PRLR: variants seen among roughly 807,000 people sequenced by gnomAD.
PRLR encodes the protein prolactin receptor, also known as hPRL receptor.
Under a neutral mutation model 40.2 loss-of-function variants are expected in PRLR, and 13 were observed. The ratio of observed to expected loss-of-function variants is 0.32; its 90% confidence interval spans 0.21 to 0.51. The LOEUF (loss-of-function observed/expected upper bound fraction) is 0.51. Ranked by LOEUF, PRLR falls within the 20% of genes least tolerant of loss-of-function variation. The pLI is 0.97. For synonymous variants in PRLR, 269 were observed against 278.7 expected (o/e 0.97, Z 0.35); for missense variants, 656 against 747.3 (o/e 0.88, Z 1.42).
At chr5:35,068,929 A>G in intron 7 of PRLR, 51 bp from the exon 8 acceptor site, 1 of 1,363,312 alleles carries the variant, frequency 7.3e-7, no homozygotes, top group Non-Finnish European at 1.0e-6. Flanking sequence ...ATCATTAAAA[A>G]CAAACCAACC....
intron 1 of PRLR, among the ~76,000 whole-genome samples, chr5:35,186,271 A>ATT (rs537396893): frequency 6.6e-6 from 1 of 151,904 alleles, no homozygotes; most frequent in African/African-American, 2.4e-5. Flanking sequence ...CTTTAAAAAA[A>ATT]TTTTTTTTTG....
chr5:35,099,650 A>G (rs1561296367), intron 2 of PRLR, among the ~76,000 whole-genome samples: 1 of 152,178 alleles, frequency 6.6e-6, no homozygotes, highest in Non-Finnish European at 1.5e-5. Context: ...TCCTTGAGGA[A>G]CTTCAAGTGG....
intron 1 of PRLR, among the ~76,000 whole-genome samples, chr5:35,141,368 A>G (rs927616076): frequency 1.3e-5 from 2 of 152,188 alleles, no homozygotes; most frequent in African/African-American, 2.4e-5. Context: ...GCATGAATCT[A>G]TGGGGGTCAT....
chr5:35,153,438 A>ATT (rs1273685966), intron 1 of PRLR, among the ~76,000 whole-genome samples: 1 of 152,122 alleles, frequency 6.6e-6, no homozygotes, highest in African/African-American at 2.4e-5. Context: ...TGGGCCAGAG[A>ATT]TTTAGACCCT....
intron 1 of PRLR, among the ~76,000 whole-genome samples, chr5:35,152,137 C>T (rs1027195353): frequency 2.6e-5 from 4 of 152,044 alleles, no homozygotes; most frequent in Non-Finnish European, 4.4e-5. Context: ...AGGTATAATC[C>T]GCGTGATCCA....
At position 35,156,127 on chromosome 5, in the gene PRLR, T is replaced by TAAAA. The variant is rs765998296; in HGVS notation, c.-105-38009_-105-38006dup. Reference sequence around the variant, plus strand: ...TCTCCATCTCTCCAGTTGCTCAAGATAAAAAAAAAAAACAAAAAAAAAAAC... The same window carrying TAAAA: ...TCTCCATCTCTCCAGTTGCTCAAGATAAAAAAAAAAAAAAAACAAAAAAAAAAAC... On this transcript the variant is annotated intron_variant, in intron 1 of 9. Coordinates refer to ENST00000618457, the MANE Select transcript of PRLR (RefSeq NM_000949.7). Among the ~76,000 whole-genome samples the TAAAA allele has an allele frequency of 4.6e-4, 48 of 103,794 alleles. 1 individual carries two copies. Among genetic ancestry groups the TAAAA allele is most frequent in the African/African-American group, 1.7e-3 (45 of 27,056 alleles). 68.1% of individuals were successfully genotyped at this position (103,794 alleles called of 152,430 possible).
chr5:35,109,851 G>A (rs1772534447), intron 2 of PRLR, among the ~76,000 whole-genome samples: 1 of 152,162 alleles, frequency 6.6e-6, no homozygotes, highest in African/African-American at 2.4e-5. Flanking sequence ...GTTTGACCCA[G>A]CCATCCCATT....
At chr5:35,206,367 C>A (rs960327865) in intron 1 of PRLR, among the ~76,000 whole-genome samples, 5 of 152,016 alleles carry the variant, frequency 3.3e-5, no homozygotes, top group Middle Eastern at 3.4e-3. Flanking sequence ...TATAAAAAGA[C>A]AATAGTTATG....
At chr5:35,180,096 C>A (rs1266179619) in intron 1 of PRLR, among the ~76,000 whole-genome samples, 1 of 152,176 alleles carries the variant, frequency 6.6e-6, no homozygotes. Context: ...AGTGTGCAAC[C>A]TAGATCCCTC....
chr5:35,133,490 T>C (rs1773752671), intron 1 of PRLR, among the ~76,000 whole-genome samples: 1 of 152,178 alleles, frequency 6.6e-6, no homozygotes, highest in African/African-American at 2.4e-5. Flanking sequence ...GGAGATGCCA[T>C]AGACTTTCTT....
intron 2 of PRLR, among the ~76,000 whole-genome samples, chr5:35,108,029 A>G (rs1772386830): frequency 6.6e-6 from 1 of 152,184 alleles, no homozygotes; most frequent in Non-Finnish European, 1.5e-5. Flanking sequence ...ATCCACCACA[A>G]TCAAGTTGGC....
At chr5:35,217,276 G>T (rs780650848) in intron 1 of PRLR, among the ~76,000 whole-genome samples, 2 of 152,166 alleles carry the variant, frequency 1.3e-5, no homozygotes, top group Non-Finnish European at 2.9e-5. Flanking sequence ...CTGAACCCAT[G>T]CAGGCTTAGA....
At chr5:35,076,597 T>C (rs1284582819) in intron 5 of PRLR, among the ~76,000 whole-genome samples, 1 of 152,016 alleles carries the variant, frequency 6.6e-6, no homozygotes, top group South Asian at 2.1e-4. Context: ...ACAGGGAGAA[T>C]GGAACCAAGT....
Position 35,058,461 on chromosome 5 carries a change from G to A in PRLR, c.*6628C>T, listed in dbSNP as rs1768843617. On this transcript the variant is annotated 3_prime_UTR_variant, in exon 10 of 10. Transcript: ENST00000618457. ...AGTGTCAGCAGTCACATGAAACAAAGCCGAGAGGCTGACTTTCAAACAACT... is the reference window on the plus strand; with the variant it reads ...AGTGTCAGCAGTCACATGAAACAAAACCGAGAGGCTGACTTTCAAACAACT... The A allele has an allele frequency of 6.6e-6, 1 of 152,206 alleles. No individual in the cohort carries two copies. The highest frequency in any genetic ancestry group is 2.1e-4 in the South Asian group (1 of 4,830). The allele number at this position is 152,206 out of a possible 1,614,324, so 9.4% of individuals were successfully genotyped here. A position where few individuals can be genotyped will look rare whatever the true frequency, so the allele number is the denominator to read the frequency against.
intron 1 of PRLR, among the ~76,000 whole-genome samples, chr5:35,185,999 A>G (rs1316732599): frequency 6.6e-6 from 1 of 152,160 alleles, no homozygotes; most frequent in African/African-American, 2.4e-5. Context: ...TGCTGGGCTC[A>G]TCTATCTAGG....
chr5:35,186,656 T>A (rs2111993446), intron 1 of PRLR, among the ~76,000 whole-genome samples: 1 of 152,144 alleles, frequency 6.6e-6, no homozygotes, highest in Admixed American at 6.5e-5. Context: ...AAGGAGAGGG[T>A]GGGGAGCAAG....
In PRLR at chr5:35,055,998, T is replaced by C. The variant is rs1417452050; in HGVS notation, c.*9091A>G. On this transcript the variant is annotated 3_prime_UTR_variant, in exon 10 of 10. Coordinates refer to ENST00000618457, the MANE Select transcript of PRLR (RefSeq NM_000949.7). ...TAAAAATTCCTGAGCTCCCTTTTCT[T>C]ACACCAGTATTCACCAATCAACATC... is the stretch of plus-strand genomic sequence containing the variant. 4 of 152,340 alleles carry C rather than the reference T, an allele frequency of 2.6e-5. No individual in the cohort carries two copies. In the East Asian group the frequency reaches 7.7e-4, roughly 29 times the overall value. The allele number at this position is 152,340 out of a possible 1,614,324, so 9.4% of individuals were successfully genotyped here.
rs187789388 is a variant in PRLR at position 35,125,972 on chromosome 5, A to T, written c.-105-7850T>A. Among the ~76,000 whole-genome samples, 42 of 152,192 alleles carry T rather than the reference A, an allele frequency of 2.8e-4. No homozygotes were observed. In the East Asian group the frequency reaches 8.1e-3, roughly 29 times the overall value. On this transcript the variant is annotated intron_variant, in intron 1 of 9. Transcript: ENST00000618457. ...AGCAAATGACCCTTACGAAGCAGCA[A>T]ATTAGTAGCATGTGTCAAGGCTGAC...
chr5:35,172,782 T>G (rs1315742698), intron 1 of PRLR, among the ~76,000 whole-genome samples: 1 of 152,156 alleles, frequency 6.6e-6, no homozygotes, highest in Non-Finnish European at 1.5e-5. Flanking sequence ...TTTGTGTCTG[T>G]TTTTACTGCC....
Sources: gnomAD v4.1 joint callset for allele counts (sites outside exome capture counted in the v4.1 genomes callset) on GRCh38, gnomAD v4.1.1 for gene constraint, MANE v1.5 for transcripts, NCBI Gene and HGNC (gene_info 2026-07-23, HGNC 2026-07-21) for gene names.